SWI5: variants seen among roughly 807,000 people sequenced by gnomAD.
SWI5 encodes the protein SWI5 homologous recombination repair protein.
Under a neutral mutation model 17.0 loss-of-function variants are expected in SWI5, and 12 were observed. The ratio of observed to expected loss-of-function variants is 0.71; its 90% CI spans 0.45 to 1.14. The LOEUF (loss-of-function observed/expected upper bound fraction) is 1.14. Among genes scored for constraint, SWI5 ranks in the 50% most tolerant of loss-of-function variants. SWI5 has a pLI of 0.00. For synonymous variants in SWI5, 61 were observed against 64.0 expected, an observed-to-expected ratio of 0.95 and a Z score of 0.22; for missense variants, 158 against 162.2, an observed-to-expected ratio of 0.97 and a Z score of 0.14.
Position 128,278,640 on chromosome 9 carries a change from C to G in SWI5, c.111+1885C>G, listed in dbSNP as rs1012571407. 17 of 471,556 alleles carry G rather than the reference C, an allele frequency of 3.6e-5. 1 individual carries two copies. The highest frequency in any genetic ancestry group is 7.5e-5 in the Non-Finnish European group (17 of 227,190). The allele number at this position is 471,556 out of a possible 1,614,324, so 29.2% of individuals were successfully genotyped here. The stretch of plus-strand genomic sequence containing the variant: ...ACATGCATCATCTTTCCAGTTCCTT[C>G]CAGCAACCTTTGAGAAGACGCTTTA... On this transcript the variant is annotated intron_variant, in intron 2 of 4. Transcript: ENST00000418976.
upstream of SWI5, chr9:128,275,631 G>C (rs7034524): frequency 5.7e-6 from 4 of 705,244 alleles, no homozygotes; most frequent in Non-Finnish European, 8.8e-6. Flanking sequence ...TCGGACTTCG[G>C]GGGGCAGGAG....
intron 2 of SWI5, chr9:128,278,486 G>A (rs1831475806): frequency 2.8e-6 from 1 of 357,874 alleles, no homozygotes; most frequent in Non-Finnish European, 5.5e-6. Flanking sequence ...AGAATCGCTT[G>A]AACCCAGGGG....
At chr9:128,278,157 G>A (rs1218424988) in intron 2 of SWI5, among the ~76,000 whole-genome samples, 2 of 151,964 alleles carry the variant, frequency 1.3e-5, no homozygotes, top group African/African-American at 2.4e-5. Context: ...TTTTCGCCAT[G>A]TTGCCCAGGC....
intron 1 of SWI5, 95 bp downstream of exon 1, chr9:128,276,497 T>A: frequency 6.3e-7 from 1 of 1,575,270 alleles, no homozygotes. Flanking sequence ...AAGACTCCCA[T>A]CCAGTGCTCC....
exon 3 of SWI5, chr9:128,284,534 G>A (rs986941957): frequency 2.5e-6 from 4 of 1,613,820 alleles, no homozygotes; most frequent in Non-Finnish European, 3.4e-6. Context: ...GTCTGGCCAG[G>A]CTGATGGGAC....
At chr9:128,276,389 C>T in exon 1 of SWI5, 1 of 1,613,132 alleles carries the variant, frequency 6.2e-7, no homozygotes, top group Non-Finnish European at 8.5e-7. Context: ...GCCTCGGACC[C>T]CAGGGCTCAG....
At chr9:128,286,365 T>G (rs1403236782) in intron 4 of SWI5, 1 of 256,096 alleles carries the variant, frequency 3.9e-6, no homozygotes, top group African/African-American at 2.2e-5. Context: ...AGTGGCTAGC[T>G]TGCTAAAGAG....
intron 4 of SWI5, among the ~76,000 whole-genome samples, chr9:128,287,348 G>A (rs1831659583): frequency 6.6e-6 from 1 of 151,144 alleles, no homozygotes; most frequent in Non-Finnish European, 1.5e-5. Flanking sequence ...AGGAGGCTGA[G>A]GCAGGAGAAT....
At chr9:128,284,435 G>A in intron 2 of SWI5, 75 bp from the exon 3 acceptor site, 2 of 1,538,688 alleles carry the variant, frequency 1.3e-6, no homozygotes, top group Non-Finnish European at 1.7e-6. Context: ...AGCAGGGAGT[G>A]ACTACTGGGG....
Position 128,276,465 on chromosome 9 carries a change from C to A in SWI5, c.62+63C>A, listed in dbSNP as rs1033990829. ...TCCTCACAGCCCTGCCCCAGACTCT[C>A]CCTTCCCAGAAATCACCTCCAAAGA... On this transcript the variant is annotated intron_variant, in intron 1 of 4. Transcript: ENST00000418976. The A allele has an allele frequency of 1.9e-6, 3 of 1,588,158 alleles. No individual in the cohort carries two copies. In the African/African-American group the frequency reaches 4.1e-5, roughly 21 times the overall value.
intron 2 of SWI5, among the ~76,000 whole-genome samples, chr9:128,279,051 T>C (rs965560421): frequency 6.6e-6 from 1 of 152,156 alleles, no homozygotes; most frequent in African/African-American, 2.4e-5. Flanking sequence ...ATTACAGGCA[T>C]GAGCCACCGT....
intron 4 of SWI5, 155 bp downstream of exon 4, chr9:128,286,188 A>G: frequency 1.7e-6 from 1 of 595,570 alleles, no homozygotes. Flanking sequence ...TCTCCTGACC[A>G]GCCTCTGGTC....
At chr9:128,280,571 A>C (rs1417428602) in intron 2 of SWI5, among the ~76,000 whole-genome samples, 1 of 150,692 alleles carries the variant, frequency 6.6e-6, no homozygotes, top group Non-Finnish European at 1.5e-5. Context: ...GTGCTGGAGT[A>C]CAGTGGTGCA....
chr9:128,278,396 A>G (rs974428188), intron 2 of SWI5, among the ~76,000 whole-genome samples: 1 of 152,038 alleles, frequency 6.6e-6, no homozygotes, highest in African/African-American at 2.4e-5. Flanking sequence ...GTGAAGCCCC[A>G]TCTCTACTAA....
At position 128,276,773 on chromosome 9, in the gene SWI5, C is replaced by G; in HGVS notation, c.111+18C>G. On this transcript the variant is annotated intron_variant, in intron 2 of 4. Transcript: ENST00000418976. ...GATCCCCTGTGAGTATTTCTTCCCC[C>G]ACACCCCCTTTCCCATCCTCGACCT... is the stretch of plus-strand genomic sequence containing the variant. The G allele has an allele frequency of 1.3e-6, 2 of 1,599,638 alleles. No individual in the cohort carries two copies. Among genetic ancestry groups the G allele is most frequent in the South Asian group, 1.1e-5 (1 of 90,016 alleles).
chr9:128,275,523 C>G (rs1324829869), upstream of SWI5: 37 of 1,297,198 alleles, frequency 2.9e-5, no homozygotes, highest in Non-Finnish European at 3.5e-5. Flanking sequence ...GAGCGGGGGG[C>G]CCCGGGAGTC....
At chr9:128,280,288 A>G (rs539359891) in intron 2 of SWI5, among the ~76,000 whole-genome samples, 1 of 151,426 alleles carries the variant, frequency 6.6e-6, no homozygotes, top group Non-Finnish European at 1.5e-5. Flanking sequence ...CAACCCTCCT[A>G]TCTCTCTCCA....
At chr9:128,280,620 C>T (rs1008927144) in intron 2 of SWI5, among the ~76,000 whole-genome samples, 7 of 152,054 alleles carry the variant, frequency 4.6e-5, no homozygotes, top group Middle Eastern at 6.8e-3. Flanking sequence ...AGGGTTCAAG[C>T]GATTCGCCTA....
At chr9:128,284,956 TAAAAAAAAA>T (rs570065202) in intron 3 of SWI5, among the ~76,000 whole-genome samples, 5 of 84,970 alleles carry the variant, frequency 5.9e-5, no homozygotes, top group African/African-American at 2.1e-4. Context: ...AATCTGTCTT[TAAAAAAAAA>T]AAAAAAAAAA....
Sources: allele counts gnomAD v4.1 joint callset (sites outside exome capture counted in the v4.1 genomes callset), GRCh38; gene constraint gnomAD v4.1.1; transcripts MANE v1.5; gene names NCBI Gene and HGNC (gene_info 2026-07-23, HGNC 2026-07-21).